The following BRCA1 variants were observed in gnomAD, a reference collection of about 807,000 sequenced individuals.
The protein encoded by BRCA1 is breast cancer type 1 susceptibility protein.
A neutral mutation model predicts 173.7 loss-of-function variants in BRCA1; 140 were observed. The ratio of observed to expected loss-of-function variants is 0.81; its 90% CI spans 0.70 to 0.93. The LOEUF is 0.93. Among genes scored for constraint, BRCA1 ranks in the 40% least tolerant of loss-of-function variants. BRCA1 has a pLI of 0.00. For synonymous variants in BRCA1, 662 were observed against 756.0 expected (o/e 0.88, Z 2.04); for missense variants, 1,983 against 2,172.5 (o/e 0.91, Z 1.73).
chr17:43,092,953 T>A lies in BRCA1; in HGVS notation c.2578A>T (p.Thr860Ser), dbSNP rs373207084. Residue 860 changes from threonine to serine, a missense_variant, in exon 10 of 23, where the codon ACA (threonine) becomes TCA (serine). Physicochemically the swap from Thr to Ser is moderately conservative, Grantham distance 58. Transcript: ENST00000357654. ...GACTGGCGCTTTGAAACCTTGAATGTATTCTGCAAATACTGAGCATCAAGT... is the reference window on the plus strand; with the variant it reads ...GACTGGCGCTTTGAAACCTTGAATGAATTCTGCAAATACTGAGCATCAAGT... ...SELDAQYLQN[T>S]FKVSKRQSFA... The A allele has an allele frequency of 6.2e-7, 1 of 1,613,790 alleles. No homozygotes were observed. Among genetic ancestry groups the A allele is most frequent in the Non-Finnish European group, 8.5e-7 (1 of 1,179,872 alleles).
chr17:43,071,124 G>T lies in BRCA1; in HGVS notation c.4790C>A (p.Thr1597Asn), dbSNP rs587781623. The T allele has an allele frequency of 3.1e-6, 5 of 1,614,202 alleles. No individual in the cohort carries two copies. In the South Asian group the frequency reaches 4.4e-5, roughly 14 times the overall value. ...CAATTGGGGAACTTTCAATGCAGAG[G>T]TTGAAGATGGTATGTTGCCAACACG... ...SARVGNIPSS[T>N]SALKVPQLKV... The change falls in exon 15 of 23, where the codon ACC (threonine) becomes AAC (asparagine). Residue 1597 changes from threonine (T) to asparagine (N), a missense_variant. Thr to Asn is a moderately conservative substitution (Grantham distance 65). Transcript: ENST00000357654.
chr17:43,160,591 A>G (rs2056230034), intron 1 of BRCA1: 1 of 152,192 alleles, frequency 6.6e-6, no homozygotes, highest in Non-Finnish European at 1.5e-5. Flanking sequence ...ATTTTCAACT[A>G]CCAGTCCCAG....
chr17:43,123,469 C>G (rs1048811654), intron 2 of BRCA1, among the ~76,000 whole-genome samples: 1 of 151,186 alleles, frequency 6.6e-6, no homozygotes, highest in Non-Finnish European at 1.5e-5. Flanking sequence ...CCTGCCTCAG[C>G]CTCCTGAGTA....
intron 12 of BRCA1, among the ~76,000 whole-genome samples, chr17:43,081,834 G>T (rs2053013500): frequency 6.6e-6 from 1 of 152,044 alleles, no homozygotes; most frequent in Non-Finnish European, 1.5e-5. Context: ...GATTTTTTTT[G>T]ATAACTGTAA....
exon 1 of BRCA1, chr17:43,170,202 A>G (rs1023208411): frequency 1.6e-5 from 3 of 191,312 alleles, no homozygotes; most frequent in African/African-American, 7.1e-5. Context: ...GCAGCCGAGG[A>G]AAGGGGTTCC....
At chr17:43,087,989 C>T (rs1436948875) in intron 11 of BRCA1, among the ~76,000 whole-genome samples, 1 of 151,988 alleles carries the variant, frequency 6.6e-6, no homozygotes, top group Non-Finnish European at 1.5e-5. Context: ...GGGGCTCAGG[C>T]AATCTTCCTG....
rs148652208 is a variant in BRCA1 at position 43,142,864 on chromosome 17, C to A, written c.-19-18749G>T. 6.6e-4 allele frequency among the ~76,000 whole-genome samples: 101 copies of A among 151,980 alleles called. No individual in the cohort carries two copies. The Middle Eastern group carries it at 0.014, about 20-fold the overall frequency. Reference sequence around the variant, plus strand: ...GTTCAAGTGATTCTCCTACCTCAGCCTCCTGAGTAGCTGGGATTACAGGCA... The same window carrying A: ...GTTCAAGTGATTCTCCTACCTCAGCATCCTGAGTAGCTGGGATTACAGGCA... On this transcript the variant is annotated intron_variant, in intron 1 of 7. Transcript: ENST00000634433.
At chr17:43,169,668 C>G (rs2056305822) in intron 1 of BRCA1, among the ~76,000 whole-genome samples, 1 of 151,786 alleles carries the variant, frequency 6.6e-6, no homozygotes, top group East Asian at 1.9e-4. Flanking sequence ...ATAAGAATAC[C>G]CATCTGCCTA....
At chr17:43,128,896 G>A (rs979540859), upstream of BRCA1, among the ~76,000 whole-genome samples, 1 of 150,550 alleles carries the variant, frequency 6.6e-6, no homozygotes, top group Admixed American at 6.6e-5. Context: ...GAGCTCAAGC[G>A]ATCCTCCTGC....
intron 1 of BRCA1, chr17:43,159,974 G>A (rs1344252156): frequency 6.6e-6 from 1 of 152,002 alleles, no homozygotes; most frequent in Non-Finnish European, 1.5e-5. Flanking sequence ...TTATTTAAAT[G>A]TACAGAGCCA....
At chr17:43,139,720 T>C in intron 1 of BRCA1, 1 of 376,388 alleles carries the variant, frequency 2.7e-6, no homozygotes, top group Non-Finnish European at 5.3e-6. Flanking sequence ...GGGCCCAGTG[T>C]CTGTTGTTCC....
chr17:43,046,520 C>A (rs1378210020), intron 22 of BRCA1, among the ~76,000 whole-genome samples: 1 of 151,960 alleles, frequency 6.6e-6, no homozygotes. Context: ...GCCTCAGTCT[C>A]CCAAGTAGCT....
chr17:43,064,639 AAGC>A (rs796218625), intron 16 of BRCA1, among the ~76,000 whole-genome samples: 19 of 152,176 alleles, frequency 1.2e-4, no homozygotes, highest in African/African-American at 4.3e-4. Flanking sequence ...GGCTATCTGC[AAGC>A]AGCAGCAGCA....
Position 43,092,600 on chromosome 17 carries a change from T to C in BRCA1, c.2931A>G (p.Pro977=), listed in dbSNP as rs273899691. 13 of 1,614,104 alleles carry C rather than the reference T, an allele frequency of 8.1e-6. No individual in the cohort carries two copies. The Admixed American group carries it at 1.3e-4, about 17-fold the overall frequency. ...TGGGAAAAAGTGGTGGTATACGATATGGGTTTTGTAAAAGTCCATGTTTAT... is the reference window on the plus strand; with the variant it reads ...TGGGAAAAAGTGGTGGTATACGATACGGGTTTTGTAAAAGTCCATGTTTAT... ...TPNKHGLLQN[P]YRIPPLFPIK... The change falls in exon 10 of 23, where the codon CCA becomes CCG. Residue 977 remains proline, a synonymous_variant. Coordinates refer to ENST00000357654, the MANE Select transcript of BRCA1 (RefSeq NM_007294.4).
chr17:43,067,738 G>A (rs765728864), intron 15 of BRCA1, 43 bp from the exon 16 acceptor site: 4 of 1,471,962 alleles, frequency 2.7e-6, no homozygotes, highest in Non-Finnish European at 9.5e-7. Flanking sequence ...GTTACCTCTA[G>A]CACACAGCTC....
intron 1 of BRCA1, among the ~76,000 whole-genome samples, chr17:43,149,275 T>C (rs2056144794): frequency 6.6e-6 from 1 of 151,570 alleles, no homozygotes; most frequent in Non-Finnish European, 1.5e-5. Context: ...GTTTTTTTTT[T>C]TTTTTTTTTC....
In BRCA1 at chr17:43,104,860, A is replaced by G. The variant is rs80358101; in HGVS notation, c.301+8T>C. 146 of 1,610,996 alleles carry G rather than the reference A, an allele frequency of 9.1e-5. No individual in the cohort carries two copies. In the African/African-American group the frequency reaches 1.6e-3, roughly 18 times the overall value. Reference sequence around the variant, plus strand: ...TTGAGTGTCATTCTTGGGATATTCAACACTTACACTCCAAACCTGTGTCAA... The same window carrying G: ...TTGAGTGTCATTCTTGGGATATTCAGCACTTACACTCCAAACCTGTGTCAA... On this transcript the variant is annotated splice_region_variant and intron_variant, in intron 5 of 22. Transcript: ENST00000357654.
At chr17:43,102,357 C>CCTTTTTTT (rs1555595831) in intron 6 of BRCA1, among the ~76,000 whole-genome samples, 2 of 93,208 alleles carry the variant, frequency 2.1e-5, no homozygotes, top group South Asian at 8.5e-4. Flanking sequence ...AGGCGTGAAG[C>CCTTTTTTT]TTTTTTTTTT....
intron 11 of BRCA1, among the ~76,000 whole-genome samples, chr17:43,089,317 C>T (rs1345301136): frequency 1.3e-5 from 2 of 150,992 alleles, no homozygotes; most frequent in Admixed American, 6.6e-5. Context: ...AGCAAAACTC[C>T]ATCTCAAAAA....
Sources: gnomAD v4.1 joint callset for allele counts (sites outside exome capture counted in the v4.1 genomes callset) on GRCh38, gnomAD v4.1.1 for gene constraint, MANE v1.5 for transcripts, NCBI Gene and HGNC (gene_info 2026-07-23, HGNC 2026-07-21) for gene names.